RANBP2: variants seen among roughly 807,000 people sequenced by gnomAD.
RANBP2 encodes RAN binding protein 2, also known as E3 SUMO-protein ligase RanBP2.
A neutral mutation model predicts 303.6 loss-of-function variants in RANBP2; 57 were observed. That is an observed-to-expected ratio of 0.19 (90% confidence interval 0.15 to 0.23). The LOEUF is 0.23. Among genes scored for constraint, RANBP2 ranks in the 10% least tolerant of loss-of-function variants. The probability of loss-of-function intolerance (pLI) is 1.00; values close to 1 mark genes in which losing one functional copy is unlikely to be tolerated. For synonymous variants in RANBP2, 1,167 were observed against 1,301.5 expected (o/e 0.90, Z 2.23); for missense variants, 3,138 against 3,780.8 (o/e 0.83, Z 4.46).
the RANBP2 span, among the ~76,000 whole-genome samples, chr2:109,457,096 C>T: frequency 6.6e-6 from 1 of 152,208 alleles, no homozygotes; most frequent in African/African-American, 2.4e-5. Context: ...GCCTCAGTTT[C>T]CACATCTGTG....
chr2:108,910,715 A>T, the RANBP2 span: 2 of 1,580,688 alleles, frequency 1.3e-6, no homozygotes, highest in African/African-American at 2.7e-5. Flanking sequence ...GCTTCTGGGA[A>T]CGCCCTCCAC....
chr2:109,254,761 C>T, the RANBP2 span, among the ~76,000 whole-genome samples: 2 of 152,062 alleles, frequency 1.3e-5, no homozygotes, highest in African/African-American at 4.8e-5. Context: ...ACTTTAGTGG[C>T]TCGGGACAGT....
At chr2:108,918,613 G>A in the RANBP2 span, among the ~76,000 whole-genome samples, 3 of 152,166 alleles carry the variant, frequency 2.0e-5, no homozygotes, top group Non-Finnish European at 2.9e-5. Context: ...TGCCTACCTC[G>A]CGTGGAGTTC....
the RANBP2 span, among the ~76,000 whole-genome samples, chr2:108,818,391 A>T: frequency 6.6e-6 from 1 of 152,178 alleles, no homozygotes; most frequent in African/African-American, 2.4e-5. Flanking sequence ...TAGCACGTGT[A>T]TTTCTCAGGA....
chr2:109,107,576 T>C, the RANBP2 span, among the ~76,000 whole-genome samples: 9 of 152,156 alleles, frequency 5.9e-5, no homozygotes, highest in Non-Finnish European at 1.5e-5. Flanking sequence ...TTACTGGCCA[T>C]GGTTCTTACT....
the RANBP2 span, among the ~76,000 whole-genome samples, chr2:109,701,217 G>A: frequency 6.6e-6 from 1 of 152,196 alleles, no homozygotes; most frequent in Non-Finnish European, 1.5e-5. Flanking sequence ...TAAAAGGCAA[G>A]TCGGAAAAAA....
At chr2:108,870,892 G>A in the RANBP2 span, among the ~76,000 whole-genome samples, 1 of 152,076 alleles carries the variant, frequency 6.6e-6, no homozygotes, top group East Asian at 1.9e-4. Context: ...GGAGATGGAT[G>A]GTTGCACAGT....
At chr2:108,750,483 A>G (rs1675787559) in intron 9 of RANBP2, among the ~76,000 whole-genome samples, 1 of 152,246 alleles carries the variant, frequency 6.6e-6, no homozygotes, top group African/African-American at 2.4e-5. Context: ...AAAGGCCATG[A>G]ACATCTTTAA....
the RANBP2 span, among the ~76,000 whole-genome samples, chr2:109,456,441 G>T: frequency 6.6e-6 from 1 of 152,234 alleles, no homozygotes; most frequent in Non-Finnish European, 1.5e-5. Context: ...GGCATAAACT[G>T]CTGGAGCATC....
At chr2:108,804,870 T>G in the RANBP2 span, 3 of 1,489,096 alleles carry the variant, frequency 2.0e-6, no homozygotes, top group Non-Finnish European at 1.8e-6. Flanking sequence ...AGATGAGAGT[T>G]TTTTTTTTCT....
chr2:109,337,117 T>C, the RANBP2 span, among the ~76,000 whole-genome samples: 22 of 152,370 alleles, frequency 1.4e-4, no homozygotes, highest in East Asian at 3.9e-3. Context: ...TTCACATTTT[T>C]GTGTTATGTA....
chr2:109,195,936 C>A, the RANBP2 span, among the ~76,000 whole-genome samples: 1 of 152,208 alleles, frequency 6.6e-6, no homozygotes. Context: ...AGCACCTCGC[C>A]CTGCAGCGAG....
At chr2:109,665,782 C>T in the RANBP2 span, 12 of 152,292 alleles carry the variant, frequency 7.9e-5, no homozygotes, top group African/African-American at 2.6e-4. Flanking sequence ...TGGAGAGAAT[C>T]ATGGATGTCA....
chr2:108,913,662 A>G, the RANBP2 span, among the ~76,000 whole-genome samples: 1 of 152,282 alleles, frequency 6.6e-6, no homozygotes, highest in East Asian at 1.9e-4. Context: ...ATAAAAGTGT[A>G]TGCGATAGCT....
chr2:108,934,358 CCT>C, the RANBP2 span, among the ~76,000 whole-genome samples: 1 of 152,112 alleles, frequency 6.6e-6, no homozygotes, highest in African/African-American at 2.4e-5. Context: ...GTCGTGATCT[CCT>C]GTTTGTTTTA....
the RANBP2 span, among the ~76,000 whole-genome samples, chr2:109,070,573 A>C: frequency 6.6e-6 from 1 of 152,018 alleles, no homozygotes; most frequent in East Asian, 1.9e-4. Context: ...TTTAAAGAGT[A>C]TGGTGGCCAA....
At chr2:109,163,554 A>G in the RANBP2 span, among the ~76,000 whole-genome samples, 1 of 150,032 alleles carries the variant, frequency 6.7e-6, no homozygotes, top group East Asian at 2.0e-4. Context: ...GCCCGCCACT[A>G]CGCCCGGCTA....
chr2:109,608,951 GTCCT>G, the RANBP2 span, among the ~76,000 whole-genome samples: 1 of 152,148 alleles, frequency 6.6e-6, no homozygotes, highest in African/African-American at 2.4e-5. Flanking sequence ...GAAAGCAAGG[GTCCT>G]GTATGTATTC....
At chr2:108,780,602 TC>T (rs1558940616) in intron 25 of RANBP2, among the ~76,000 whole-genome samples, 1 of 151,430 alleles carries the variant, frequency 6.6e-6, no homozygotes, top group African/African-American at 2.4e-5. Flanking sequence ...CAATCTCAGC[TC>T]ACTGCAACTT....
Sources: allele counts gnomAD v4.1 joint callset (sites outside exome capture counted in the v4.1 genomes callset), GRCh38; gene constraint gnomAD v4.1.1; transcripts MANE v1.5; gene names NCBI Gene and HGNC (gene_info 2026-07-23, HGNC 2026-07-21).